The following DRC8 variants were observed in gnomAD, a reference collection of about 807,000 sequenced individuals.
DRC8 encodes dynein regulatory complex protein 8.
the DRC8 span, among the ~76,000 whole-genome samples, chr1:245,092,652 A>C: frequency 6.6e-6 from 1 of 152,350 alleles, no homozygotes; most frequent in African/African-American, 2.4e-5. Flanking sequence ...AGGGTCCAGG[A>C]AACTTATATT....
chr1:244,994,588 C>G, the DRC8 span, among the ~76,000 whole-genome samples: 7 of 152,182 alleles, frequency 4.6e-5, no homozygotes, highest in African/African-American at 1.7e-4. Flanking sequence ...TGCCACCATG[C>G]CTGGCTAATT....
At chr1:245,017,143 A>T in the DRC8 span, 2 of 1,112,756 alleles carry the variant, frequency 1.8e-6, no homozygotes, top group Non-Finnish European at 2.5e-6. Flanking sequence ...AGGGTTCTTC[A>T]TATGCTTACT....
chr1:245,059,310 C>T, the DRC8 span: 31 of 990,162 alleles, frequency 3.1e-5, no homozygotes, highest in Admixed American at 7.7e-5. Context: ...ACAAAATATG[C>T]TCTGAGATAA....
the DRC8 span, among the ~76,000 whole-genome samples, chr1:245,060,803 T>C: frequency 2.0e-5 from 3 of 152,262 alleles, no homozygotes; most frequent in Non-Finnish European, 2.9e-5. Flanking sequence ...CTAGTCCCTT[T>C]ATGGTTTGTT....
the DRC8 span, among the ~76,000 whole-genome samples, chr1:245,074,466 A>G: frequency 6.6e-6 from 1 of 152,178 alleles, no homozygotes; most frequent in African/African-American, 2.4e-5. Context: ...CCCCACCCTC[A>G]GAGGATTAAA....
the DRC8 span, among the ~76,000 whole-genome samples, chr1:244,987,609 C>G: frequency 6.6e-6 from 1 of 150,740 alleles, no homozygotes; most frequent in East Asian, 1.9e-4. Flanking sequence ...TCCCCTGACC[C>G]CCCCAGCCAA....
the DRC8 span, among the ~76,000 whole-genome samples, chr1:245,041,478 C>T: frequency 6.6e-6 from 1 of 152,198 alleles, no homozygotes; most frequent in South Asian, 2.1e-4. Context: ...AGCAGAATGA[C>T]AGCCTGTGGT....
chr1:244,970,271 C>T, the DRC8 span: 12 of 713,774 alleles, frequency 1.7e-5, no homozygotes, highest in Non-Finnish European at 2.5e-5. Context: ...GCCTCCTCCC[C>T]GCCCCGCCCC....
At chr1:244,983,107 A>G in the DRC8 span, among the ~76,000 whole-genome samples, 2 of 152,110 alleles carry the variant, frequency 1.3e-5, no homozygotes, top group African/African-American at 4.8e-5. Context: ...TAAAACATAG[A>G]TTGTTGGGTC....
chr1:245,054,539 T>C, the DRC8 span, among the ~76,000 whole-genome samples: 1 of 152,168 alleles, frequency 6.6e-6, no homozygotes, highest in Non-Finnish European at 1.5e-5. Flanking sequence ...CTTTCCATTT[T>C]TTTTCTCCTT....
chr1:244,990,726 C>A, the DRC8 span, among the ~76,000 whole-genome samples: 2 of 152,066 alleles, frequency 1.3e-5, no homozygotes, highest in South Asian at 4.1e-4. Flanking sequence ...ACCTCCGCCT[C>A]CCAGGCTCAA....
chr1:244,971,381 T>A, the DRC8 span, among the ~76,000 whole-genome samples: 88,838 of 152,150 alleles, frequency 0.58, 26,655 homozygotes, highest in East Asian at 0.75. Context: ...AGGTCGCCAG[T>A]TCGGAGGCAT....
the DRC8 span, among the ~76,000 whole-genome samples, chr1:245,084,487 C>T: frequency 2.0e-5 from 3 of 152,170 alleles, no homozygotes; most frequent in African/African-American, 2.4e-5. Flanking sequence ...TTGTTTTGAA[C>T]ATGGCCCATC....
At chr1:245,117,819 A>G in the DRC8 span, among the ~76,000 whole-genome samples, 2 of 152,034 alleles carry the variant, frequency 1.3e-5, no homozygotes, top group Non-Finnish European at 2.9e-5. Context: ...AAATACACAA[A>G]TTAGCTGAGT....
the DRC8 span, among the ~76,000 whole-genome samples, chr1:244,986,568 T>C: frequency 1.2e-4 from 18 of 152,090 alleles, no homozygotes; most frequent in Non-Finnish European, 2.5e-4. Context: ...CAATTCATTA[T>C]GTTTTTAAGA....
the DRC8 span, among the ~76,000 whole-genome samples, chr1:244,975,179 C>G: frequency 8.5e-5 from 13 of 152,160 alleles, no homozygotes; most frequent in Non-Finnish European, 1.9e-4. Context: ...ATCCGCCCAC[C>G]TCGGCCTCCC....
the DRC8 span, among the ~76,000 whole-genome samples, chr1:245,060,021 G>T: frequency 6.6e-6 from 1 of 152,142 alleles, no homozygotes; most frequent in Non-Finnish European, 1.5e-5. Context: ...CATTTCAAAT[G>T]CAGCATTCGG....
chr1:245,059,734 G>A, the DRC8 span, among the ~76,000 whole-genome samples: 1 of 152,170 alleles, frequency 6.6e-6, no homozygotes, highest in Non-Finnish European at 1.5e-5. Flanking sequence ...TTGAAAAGAG[G>A]CCAGTAGATG....
the DRC8 span, among the ~76,000 whole-genome samples, chr1:245,036,983 A>C: frequency 6.6e-6 from 1 of 152,220 alleles, no homozygotes; most frequent in African/African-American, 2.4e-5. Context: ...ATGAAAAAGC[A>C]AAACAAACTG....
Sources: allele counts gnomAD v4.1 joint callset (sites outside exome capture counted in the v4.1 genomes callset), GRCh38; gene constraint gnomAD v4.1.1; transcripts MANE v1.5; gene names NCBI Gene and HGNC (gene_info 2026-07-23, HGNC 2026-07-21).